CLASP1: variants seen among roughly 807,000 people sequenced by gnomAD.
CLASP1 encodes the protein cytoplasmic linker associated protein 1.
CLASP1 carries 38 observed loss-of-function variants against 192.3 expected under a neutral mutation model. That is an observed-to-expected ratio of 0.20 (90% CI 0.15 to 0.26). The LOEUF (loss-of-function observed/expected upper bound fraction) is 0.26, where lower values mean the gene tolerates loss of function less well. Among genes scored for constraint, CLASP1 ranks in the 10% least tolerant of loss-of-function variants. The probability of loss-of-function intolerance (pLI) is 1.00; values close to 1 mark genes in which losing one functional copy is unlikely to be tolerated. For missense variants in CLASP1, 1,433 were observed against 1,932.5 expected (o/e 0.74, Z 4.85); for synonymous variants, 691 against 712.8 (o/e 0.97, Z 0.49).
At chr2:121,453,406 C>G (rs2085956927) in intron 14 of CLASP1, among the ~76,000 whole-genome samples, 1 of 152,184 alleles carries the variant, frequency 6.6e-6, no homozygotes, top group Non-Finnish European at 1.5e-5. Flanking sequence ...CAAACAGTTA[C>G]ACTGCCAGAA....
intron 19 of CLASP1, among the ~76,000 whole-genome samples, chr2:121,430,856 G>A (rs1000645135): frequency 6.6e-6 from 1 of 151,910 alleles, no homozygotes; most frequent in African/African-American, 2.4e-5. Flanking sequence ...ATAATCCAAT[G>A]CTGTAGGCAG....
At position 121,348,379 on chromosome 2, in the gene CLASP1, C is replaced by T. The variant is rs927291501; in HGVS notation, c.4413+133G>A. The T allele has an allele frequency of 5.1e-5, 37 of 729,202 alleles. No homozygotes were observed. In the East Asian group the frequency reaches 5.9e-4, roughly 12 times the overall value. 45.2% of individuals were successfully genotyped at this position (729,202 alleles called of 1,614,324 possible). On this transcript the variant is annotated intron_variant, in intron 38 of 39. Coordinates refer to ENST00000263710, the Ensembl canonical transcript of CLASP1. Reference sequence around the variant, plus strand: ...GAGGCTGTGAAGTGTCCCTGCCACACGGCCTCACAGGTCCTGCCTGGTTTT... The same window carrying T: ...GAGGCTGTGAAGTGTCCCTGCCACATGGCCTCACAGGTCCTGCCTGGTTTT...
intron 34 of CLASP1, among the ~76,000 whole-genome samples, chr2:121,371,866 T>A (rs1409738291): frequency 6.6e-6 from 1 of 152,196 alleles, no homozygotes; most frequent in African/African-American, 2.4e-5. Context: ...ATCTCTCCCA[T>A]CTGAAATGCC....
chr2:121,433,864 C>T (rs146894764), intron 19 of CLASP1, among the ~76,000 whole-genome samples: 287 of 152,320 alleles, frequency 1.9e-3, no homozygotes, highest in African/African-American at 6.6e-3. Flanking sequence ...CTGCATAAAA[C>T]CAGTGAGGGA....
At chr2:121,555,308 A>G (rs1404350664) in intron 2 of CLASP1, among the ~76,000 whole-genome samples, 1 of 152,196 alleles carries the variant, frequency 6.6e-6, no homozygotes, top group Admixed American at 6.5e-5. Context: ...GTGGCCTCCC[A>G]CCAATATCCA....
intron 30 of CLASP1, among the ~76,000 whole-genome samples, chr2:121,393,118 T>C (rs149177443): frequency 1.3e-5 from 2 of 152,318 alleles, no homozygotes; most frequent in East Asian, 3.9e-4. Flanking sequence ...ACAAACATGG[T>C]TGTATGGACT....
chr2:121,358,729 A>T (rs1044248137), intron 37 of CLASP1, among the ~76,000 whole-genome samples: 16 of 152,364 alleles, frequency 1.1e-4, no homozygotes, highest in African/African-American at 3.6e-4. Flanking sequence ...ACTAGAAATG[A>T]TTTAAAAATA....
At chr2:121,546,111 T>C (rs2057394038) in intron 2 of CLASP1, among the ~76,000 whole-genome samples, 1 of 152,166 alleles carries the variant, frequency 6.6e-6, no homozygotes, top group Non-Finnish European at 1.5e-5. Context: ...CCCCAACACA[T>C]TTCCTGTGAT....
rs935152739 is a variant in CLASP1 at position 121,363,241 on chromosome 2, T to C, written c.4137A>G (p.Ala1379=). ...TCAGCTCGGCGTAGTTTTTAAATCTTGCTGGTTGATTTCTCAGAATTTCCC... is the reference window on the plus strand; with the variant it reads ...TCAGCTCGGCGTAGTTTTTAAATCTCGCTGGTTGATTTCTCAGAATTTCCC... Residue 1379 remains alanine (A), a synonymous_variant, in exon 37 of 40, where the codon GCA becomes GCG. Transcript: ENST00000263710. 4.3e-6 allele frequency: 7 copies of C among 1,613,854 alleles called. No homozygotes were observed. The African/African-American group carries it at 5.3e-5, about 12-fold the overall frequency.
At chr2:121,605,839 T>C (rs2105913191) in exon 2 of CLASP1, 2 of 1,614,002 alleles carry the variant, frequency 1.2e-6, no homozygotes, top group South Asian at 1.1e-5. Context: ...CCTGCAATCG[T>C]TTCCCCACAT....
chr2:121,500,775 A>G (rs576807994), intron 8 of CLASP1, among the ~76,000 whole-genome samples: 1 of 152,382 alleles, frequency 6.6e-6, no homozygotes, highest in East Asian at 1.9e-4. Flanking sequence ...CAATTAAAAC[A>G]GTAATACTAC....
In CLASP1 at chr2:121,351,838, C is replaced by T. The variant is rs180898651; in HGVS notation, c.4207-3120G>A. ...GAAGGTCAGGCTCGAGGACGAAGCA[C>T]TGTAGAGAGGCAATTTTATTTTAAA... On this transcript the variant is annotated intron_variant, in intron 37 of 39. Coordinates refer to ENST00000263710, the Ensembl canonical transcript of CLASP1. Among the ~76,000 whole-genome samples, 11 of 152,334 alleles carry T rather than the reference C, an allele frequency of 7.2e-5. No individual in the cohort carries two copies. The East Asian group carries it at 1.9e-3, about 27-fold the overall frequency.
chr2:121,387,739 A>G, intron 31 of CLASP1, 24 bp downstream of exon 32: 1 of 1,613,452 alleles, frequency 6.2e-7, no homozygotes, highest in Non-Finnish European at 8.5e-7. Flanking sequence ...TCACATAGGC[A>G]CCAATCGTGA....
At chr2:121,478,736 C>T (rs2092049004) in intron 8 of CLASP1, among the ~76,000 whole-genome samples, 9 of 93,936 alleles carry the variant, frequency 9.6e-5, no homozygotes, top group African/African-American at 3.6e-4. Context: ...ACACCACACA[C>T]ACACCCCACA....
At chr2:121,648,858 G>T (rs1297236331) in intron 1 of CLASP1, among the ~76,000 whole-genome samples, 1 of 152,370 alleles carries the variant, frequency 6.6e-6, no homozygotes, top group East Asian at 1.9e-4. Flanking sequence ...CGCAGCTTTT[G>T]TCTGGCCCGG....
chr2:121,532,117 T>C (rs547015090), intron 2 of CLASP1, among the ~76,000 whole-genome samples: 1 of 152,310 alleles, frequency 6.6e-6, no homozygotes, highest in South Asian at 2.1e-4. Context: ...AACTGCAGAC[T>C]TTTCTATTCA....
At chr2:121,478,762 CCA>C (rs2092080317) in intron 8 of CLASP1, among the ~76,000 whole-genome samples, 9 of 63,592 alleles carry the variant, frequency 1.4e-4, no homozygotes, top group Admixed American at 1.6e-4. Context: ...CACACACACA[CCA>C]CACACCCCAC....
chr2:121,622,337 G>A (rs1478955122), intron 1 of CLASP1, among the ~76,000 whole-genome samples: 3 of 151,362 alleles, frequency 2.0e-5, no homozygotes, highest in East Asian at 2.0e-4. Flanking sequence ...TTGGGAGGTC[G>A]AGGCAGGTGG....
Position 121,407,146 on chromosome 2 carries a change from G to A in CLASP1, c.2669+325C>T, listed in dbSNP as rs142309084. On this transcript the variant is annotated intron_variant, in intron 25 of 39. Coordinates refer to ENST00000263710, the Ensembl canonical transcript of CLASP1. ...GAGAAGAATCGCTTGAACCCAGGAG[G>A]TGGAGGCTGCAGTGAGCCAAGATCG... Among the ~76,000 whole-genome samples the A allele has an allele frequency of 7.8e-3, 1,179 of 151,896 alleles. 7 individuals are homozygous for A. Among genetic ancestry groups the A allele is most frequent in the Non-Finnish European group, 9.9e-3 (675 of 67,944 alleles).
Sources: gnomAD v4.1 joint callset for allele counts (sites outside exome capture counted in the v4.1 genomes callset) on GRCh38, gnomAD v4.1.1 for gene constraint, MANE v1.5 for transcripts, NCBI Gene and HGNC (gene_info 2026-07-23, HGNC 2026-07-21) for gene names.